Variants in VKORC1L1 observed in about 807,000 individuals in gnomAD.
VKORC1L1 encodes the protein vitamin K epoxide reductase complex subunit 1-like protein 1.
VKORC1L1 carries 2 observed loss-of-function variants against 18.9 expected under a neutral mutation model. The observed-to-expected ratio is 0.11, with a 90% CI of 0.04 to 0.33. The LOEUF (loss-of-function observed/expected upper bound fraction) is 0.33, where lower values mean the gene tolerates loss of function less well. Ranked by LOEUF, VKORC1L1 falls within the 10% of genes least tolerant of loss-of-function variation. The pLI is 1.00. For missense variants in VKORC1L1, 123 were observed against 224.1 expected (o/e 0.55, Z 2.88); for synonymous variants, 96 against 100.0 (o/e 0.96, Z 0.24).
At chr7:65,941,088 CAG>C (rs953364251) in intron 1 of VKORC1L1, among the ~76,000 whole-genome samples, 25 of 152,204 alleles carry the variant, frequency 1.6e-4, no homozygotes, top group African/African-American at 5.3e-4. Flanking sequence ...GGGGCACAGA[CAG>C]GGGCTAGCAA....
intron 1 of VKORC1L1, among the ~76,000 whole-genome samples, chr7:65,900,747 G>C (rs540374869): frequency 7.9e-5 from 12 of 152,192 alleles, no homozygotes; most frequent in Non-Finnish European, 1.2e-4. Flanking sequence ...AGAGGTTGCC[G>C]TGAGCCAAGA....
chr7:65,869,709 G>A (rs542093944), upstream of VKORC1L1, among the ~76,000 whole-genome samples: 17 of 143,008 alleles, frequency 1.2e-4, no homozygotes, highest in Non-Finnish European at 2.4e-4. Context: ...GGAGTGCAGT[G>A]GCATGATCAT....
chr7:65,913,538 C>T (rs1168167153), intron 1 of VKORC1L1, among the ~76,000 whole-genome samples: 1 of 151,712 alleles, frequency 6.6e-6, no homozygotes, highest in Non-Finnish European at 1.5e-5. Context: ...CCAGCCTGGC[C>T]AATGTGGTGA....
chr7:65,881,395 A>G (rs1299111722), intron 1 of VKORC1L1, among the ~76,000 whole-genome samples: 1 of 152,240 alleles, frequency 6.6e-6, no homozygotes, highest in Admixed American at 6.5e-5. Context: ...GAGAACCCTA[A>G]AAGATTACAT....
At chr7:65,897,402 G>C (rs1227458758) in intron 1 of VKORC1L1, among the ~76,000 whole-genome samples, 1 of 152,210 alleles carries the variant, frequency 6.6e-6, no homozygotes, top group Non-Finnish European at 1.5e-5. Context: ...AAACTCTATG[G>C]AGAGCAGTTG....
chr7:65,917,170 CTT>C lies in VKORC1L1; in HGVS notation c.195-31496_195-31495del, dbSNP rs1426578434. Among the ~76,000 whole-genome samples, 10 of 152,212 alleles carry C rather than the reference CTT, an allele frequency of 6.6e-5. 1 individual carries two copies. The East Asian group carries it at 1.5e-3, about 23-fold the overall frequency. ...GTGTCCTGGTTACTTTCTCACAACT[CTT>C]TTTTCTTTATCTTCACATTCCTAAT... On this transcript the variant is annotated intron_variant, in intron 1 of 2. Coordinates refer to ENST00000360768, the MANE Select transcript of VKORC1L1 (RefSeq NM_173517.6).
intron 1 of VKORC1L1, among the ~76,000 whole-genome samples, chr7:65,890,380 C>G (rs974410074): frequency 4.6e-5 from 7 of 152,142 alleles, no homozygotes; most frequent in African/African-American, 1.4e-4. Flanking sequence ...ATCCGCCTGC[C>G]TCGGCCTCCC....
chr7:65,932,161 G>A (rs1210542728), intron 1 of VKORC1L1, among the ~76,000 whole-genome samples: 3 of 151,990 alleles, frequency 2.0e-5, no homozygotes, highest in East Asian at 1.9e-4. Flanking sequence ...GCAGTGGCAC[G>A]AACTCAGCTC....
intron 1 of VKORC1L1, among the ~76,000 whole-genome samples, chr7:65,922,969 ATC>A (rs902180106): frequency 1.3e-5 from 2 of 151,630 alleles, no homozygotes; most frequent in African/African-American, 4.8e-5. Flanking sequence ...TTTAACCATT[ATC>A]TCTCTCTCTC....
intron 1 of VKORC1L1, among the ~76,000 whole-genome samples, chr7:65,937,722 G>A (rs1323421362): frequency 6.6e-6 from 1 of 152,118 alleles, no homozygotes; most frequent in African/African-American, 2.4e-5. Context: ...CTGACACTCA[G>A]ATTTTTAATG....
intron 1 of VKORC1L1, among the ~76,000 whole-genome samples, chr7:65,904,660 T>G (rs959978291): frequency 3.3e-5 from 5 of 151,894 alleles, no homozygotes; most frequent in Admixed American, 6.6e-5. Context: ...TAAATAGAAT[T>G]CTAAAAAGTA....
chr7:65,932,096 TTTG>T (rs1009595516), intron 1 of VKORC1L1, among the ~76,000 whole-genome samples: 15 of 152,152 alleles, frequency 9.9e-5, no homozygotes, highest in East Asian at 1.9e-4. Flanking sequence ...GTTCTTTGGG[TTTG>T]TTGTTGTTGT....
chr7:65,947,481 A>T (rs1367781449), intron 1 of VKORC1L1, among the ~76,000 whole-genome samples: 1 of 151,736 alleles, frequency 6.6e-6, no homozygotes, highest in Non-Finnish European at 1.5e-5. Flanking sequence ...TTATCTTTAA[A>T]GGTTTTTTAT....
chr7:65,936,104 C>G (rs1459932442), intron 1 of VKORC1L1, among the ~76,000 whole-genome samples: 1 of 151,312 alleles, frequency 6.6e-6, no homozygotes, highest in Non-Finnish European at 1.5e-5. Context: ...TTTTTAATTT[C>G]AGATCTTATA....
intron 1 of VKORC1L1, among the ~76,000 whole-genome samples, chr7:65,876,827 C>T (rs1453002815): frequency 6.6e-6 from 1 of 152,134 alleles, no homozygotes; most frequent in Non-Finnish European, 1.5e-5. Flanking sequence ...TGGCAGACCT[C>T]TTGAGCTCAG....
intron 1 of VKORC1L1, among the ~76,000 whole-genome samples, chr7:65,895,504 T>G (rs1407649470): frequency 1.1e-5 from 1 of 92,246 alleles, no homozygotes; most frequent in Non-Finnish European, 2.2e-5. Context: ...TATATATATA[T>G]ATATATATAT....
intron 1 of VKORC1L1, among the ~76,000 whole-genome samples, chr7:65,894,875 A>G (rs1052041777): frequency 6.6e-6 from 1 of 152,242 alleles, no homozygotes; most frequent in Non-Finnish European, 1.5e-5. Context: ...GTGAGACCCT[A>G]TCTTTACAAA....
chr7:65,878,748 C>CA (rs1460204168), intron 1 of VKORC1L1, among the ~76,000 whole-genome samples: 9 of 151,392 alleles, frequency 5.9e-5, no homozygotes, highest in Admixed American at 1.3e-4. Context: ...ACTAAAAATA[C>CA]AAAAAAAATT....
rs1455054153 is a variant in VKORC1L1, at chr7:65,956,622, C to T, written c.*2322C>T. On this transcript the variant is annotated 3_prime_UTR_variant, in exon 3 of 3. Transcript: ENST00000360768. ...TCACTGAGAGAGGAACACGTACTGC[C>T]TGTCATAACAGCATTGTAATGCCAG... 1 of 152,198 alleles carries T rather than the reference C, an allele frequency of 6.6e-6. No individual in the cohort carries two copies. Among genetic ancestry groups the T allele is most frequent in the Non-Finnish European group, 1.5e-5 (1 of 68,050 alleles). The allele number at this position is 152,198 out of a possible 1,614,324, so 9.4% of individuals were successfully genotyped here.
Sources: gnomAD v4.1 joint callset for allele counts (sites outside exome capture counted in the v4.1 genomes callset) on GRCh38, gnomAD v4.1.1 for gene constraint, MANE v1.5 for transcripts, NCBI Gene and HGNC (gene_info 2026-07-23, HGNC 2026-07-21) for gene names.